FBXL20: variants seen among roughly 807,000 people sequenced by gnomAD.
FBXL20 encodes F-box and leucine rich repeat protein 20, also known as F-box/LRR-repeat protein 20.
Under a neutral mutation model 64.0 loss-of-function variants are expected in FBXL20, and 11 were observed. The observed-to-expected ratio is 0.17, with a 90% CI of 0.11 to 0.28. The LOEUF (loss-of-function observed/expected upper bound fraction) is 0.28. Among genes scored for constraint, FBXL20 ranks in the 10% least tolerant of loss-of-function variants. FBXL20 has a pLI of 1.00. For missense variants in FBXL20, 303 were observed against 526.2 expected (o/e 0.58, Z 4.15); for synonymous variants, 184 against 189.0 (o/e 0.97, Z 0.22).
At chr17:39,316,278 C>T (rs927499888) in intron 2 of FBXL20, among the ~76,000 whole-genome samples, 2 of 148,248 alleles carry the variant, frequency 1.3e-5, no homozygotes, top group African/African-American at 5.1e-5. Context: ...CATATATACA[C>T]GTGTTCATCT....
chr17:39,320,339 G>A (rs1221486232), intron 2 of FBXL20, among the ~76,000 whole-genome samples: 1 of 151,968 alleles, frequency 6.6e-6, no homozygotes, highest in Non-Finnish European at 1.5e-5. Context: ...AATTTTTGGA[G>A]GTGGATCTCT....
intron 1 of FBXL20, among the ~76,000 whole-genome samples, chr17:39,376,771 T>C (rs2047971060): frequency 6.6e-6 from 1 of 152,118 alleles, no homozygotes; most frequent in Non-Finnish European, 1.5e-5. Flanking sequence ...TCCTAGCACT[T>C]TGGGAGATCA....
chr17:39,382,795 C>T (rs924116789), intron 1 of FBXL20, among the ~76,000 whole-genome samples: 1 of 151,962 alleles, frequency 6.6e-6, no homozygotes, highest in African/African-American at 2.4e-5. Context: ...AGCTATGATC[C>T]TACTCTGCAC....
intron 1 of FBXL20, among the ~76,000 whole-genome samples, chr17:39,389,104 CAAAAAAAAAAAAAAA>C (rs752930971): frequency 1.9e-5 from 1 of 52,696 alleles, no homozygotes. Context: ...AACTCCATCT[CAAAAAAAAAAAAAAA>C]AAAAAAAAAA....
rs376059321 is a variant in FBXL20 at position 39,364,896 on chromosome 17, C to T, written c.43-21655G>A. On this transcript the variant is annotated intron_variant, in intron 1 of 14. Coordinates refer to ENST00000264658, the MANE Select transcript of FBXL20 (RefSeq NM_032875.3). ...GCGACCTATTGGGGAGATGGCAGGA[C>T]CGTCAGGCTGCATAATGAATTGTTT... Among the ~76,000 whole-genome samples the T allele has an allele frequency of 1.9e-3, 296 of 152,240 alleles. 12 individuals carry two copies. The South Asian group carries it at 0.058, about 30-fold the overall frequency.
chr17:39,266,866 C>T (rs2046796442), intron 12 of FBXL20, among the ~76,000 whole-genome samples: 1 of 152,198 alleles, frequency 6.6e-6, no homozygotes, highest in African/African-American at 2.4e-5. Context: ...AATCTGTCCC[C>T]TTGGTAGCTA....
chr17:39,269,940 G>T (rs975645103), intron 11 of FBXL20, among the ~76,000 whole-genome samples: 4 of 152,210 alleles, frequency 2.6e-5, no homozygotes, highest in Non-Finnish European at 4.4e-5. Context: ...GTCATGCCAT[G>T]TGCTGGCTCC....
At chr17:39,310,839 GTC>G (rs2047228516) in intron 2 of FBXL20, among the ~76,000 whole-genome samples, 2 of 152,182 alleles carry the variant, frequency 1.3e-5, no homozygotes, top group East Asian at 3.9e-4. Flanking sequence ...ACAAAAATTA[GTC>G]AGGCATGGTG....
At chr17:39,359,327 G>A (rs545862099) in intron 1 of FBXL20, among the ~76,000 whole-genome samples, 1 of 152,096 alleles carries the variant, frequency 6.6e-6, no homozygotes, top group African/African-American at 2.4e-5. Flanking sequence ...GGGTGACACA[G>A]CAAGATCCTG....
chr17:39,266,736 G>A (rs929323769), intron 12 of FBXL20, among the ~76,000 whole-genome samples: 2 of 152,150 alleles, frequency 1.3e-5, no homozygotes, highest in African/African-American at 2.4e-5. Flanking sequence ...AATCCCATTG[G>A]CTACCTGAAC....
At chr17:39,374,744 G>A (rs1158386752) in intron 1 of FBXL20, among the ~76,000 whole-genome samples, 3 of 152,074 alleles carry the variant, frequency 2.0e-5, no homozygotes, top group South Asian at 2.1e-4. Context: ...CAATTCCAAT[G>A]AAATGGACAG....
chr17:39,334,975 A>G (rs2047506315), intron 2 of FBXL20, among the ~76,000 whole-genome samples: 1 of 152,186 alleles, frequency 6.6e-6, no homozygotes, highest in Admixed American at 6.6e-5. Context: ...AGTTGTATGT[A>G]AGAAAACCCA....
chr17:39,368,092 A>G (rs528213284), intron 1 of FBXL20, among the ~76,000 whole-genome samples: 1 of 152,204 alleles, frequency 6.6e-6, no homozygotes, highest in East Asian at 1.9e-4. Context: ...AAAGATTTTT[A>G]AGAATAGTAT....
At chr17:39,384,362 T>G (rs2048056655) in intron 1 of FBXL20, among the ~76,000 whole-genome samples, 1 of 151,722 alleles carries the variant, frequency 6.6e-6, no homozygotes, top group South Asian at 2.1e-4. Flanking sequence ...CCGTCTCTAT[T>G]AAAAATACAA....
chr17:39,386,584 A>C (rs1027153984), intron 1 of FBXL20, among the ~76,000 whole-genome samples: 1 of 152,172 alleles, frequency 6.6e-6, no homozygotes, highest in African/African-American at 2.4e-5. Context: ...AGATCACGTC[A>C]CTGTACTCCA....
At chr17:39,315,829 C>CAGAGAGAGAGAG (rs141728220) in intron 2 of FBXL20, among the ~76,000 whole-genome samples, 1,821 of 129,664 alleles carry the variant, frequency 0.014, 93 homozygotes, top group Non-Finnish European at 0.021. Context: ...GAGAGAGAGA[C>CAGAGAGAGAGAG]AGAGAGAGAG....
chr17:39,278,824 T>C (rs1434042722), intron 9 of FBXL20, among the ~76,000 whole-genome samples: 3 of 148,334 alleles, frequency 2.0e-5, no homozygotes, highest in Admixed American at 6.8e-5. Context: ...GGATTACAGG[T>C]GTGAGCCACT....
intron 14 of FBXL20, among the ~76,000 whole-genome samples, chr17:39,263,513 T>C (rs1005843293): frequency 6.6e-6 from 1 of 151,730 alleles, no homozygotes; most frequent in Non-Finnish European, 1.5e-5. Context: ...GACCCTGTCT[T>C]AAAAAATGAA....
intron 3 of FBXL20, among the ~76,000 whole-genome samples, chr17:39,301,988 G>A (rs1260415824): frequency 7.2e-6 from 1 of 138,218 alleles, no homozygotes; most frequent in Non-Finnish European, 1.5e-5. Flanking sequence ...ATCATAGCCA[G>A]AAGGTATTTT....
Sources: gnomAD v4.1 joint callset for allele counts (sites outside exome capture counted in the v4.1 genomes callset) on GRCh38, gnomAD v4.1.1 for gene constraint, MANE v1.5 for transcripts, NCBI Gene and HGNC (gene_info 2026-07-23, HGNC 2026-07-21) for gene names.